The following UNC13C variants were observed in gnomAD, a reference collection of about 807,000 sequenced individuals.
The protein encoded by UNC13C is unc-13 homolog C, also known as protein unc-13 homolog C.
UNC13C carries 174 observed loss-of-function variants against 245.4 expected under a neutral mutation model. The observed-to-expected ratio is 0.71, with a 90% CI of 0.63 to 0.80. The LOEUF (loss-of-function observed/expected upper bound fraction) is 0.80. UNC13C is among the 30% of genes least tolerant of loss of function. The probability of loss-of-function intolerance (pLI) is 0.00; values close to 1 mark genes in which losing one functional copy is unlikely to be tolerated. For missense variants in UNC13C, 2,829 were observed against 2,602.9 expected (o/e 1.09, Z -1.89); for synonymous variants, 992 against 895.1 (o/e 1.11, Z -1.93).
the UNC13C span, among the ~76,000 whole-genome samples, chr15:53,903,520 T>A: frequency 6.6e-6 from 1 of 152,218 alleles, no homozygotes; most frequent in Non-Finnish European, 1.5e-5. Flanking sequence ...CATGTGGAAC[T>A]GGATGGCCAC....
intron 4 of UNC13C, among the ~76,000 whole-genome samples, chr15:54,193,730 A>G (rs938682941): frequency 6.6e-6 from 1 of 152,206 alleles, no homozygotes; most frequent in Non-Finnish European, 1.5e-5. Flanking sequence ...CTAGACTTGT[A>G]CTATAAGGCC....
At chr15:54,294,175 T>C in intron 11 of UNC13C, 111 bp downstream of exon 11, 1 of 958,868 alleles carries the variant, frequency 1.0e-6, no homozygotes, top group Non-Finnish European at 1.4e-6. Flanking sequence ...TTCCAGGACA[T>C]TCTGTTGAAC....
At chr15:54,614,191 C>G (rs1337547979) in intron 30 of UNC13C, among the ~76,000 whole-genome samples, 1 of 151,888 alleles carries the variant, frequency 6.6e-6, no homozygotes, top group Non-Finnish European at 1.5e-5. Context: ...AGCTTTCTTT[C>G]TAGTGTTAAT....
At chr15:54,093,843 G>T (rs12901124) in intron 2 of UNC13C, among the ~76,000 whole-genome samples, 27,958 of 152,098 alleles carry the variant, frequency 0.18, 2,721 homozygotes, top group Admixed American at 0.23. Context: ...TCCTCAAAAT[G>T]GTCTTTTCTC....
chr15:53,888,757 T>G, the UNC13C span, among the ~76,000 whole-genome samples: 2 of 152,190 alleles, frequency 1.3e-5, no homozygotes, highest in Admixed American at 1.3e-4. Context: ...ACGTTTCAGT[T>G]TTCCATGTAT....
chr15:54,561,838 A>C (rs895945856), intron 29 of UNC13C, among the ~76,000 whole-genome samples: 2 of 152,034 alleles, frequency 1.3e-5, no homozygotes, highest in African/African-American at 4.8e-5. Flanking sequence ...TCATAAGATG[A>C]TGAGAGCTAT....
chr15:54,401,873 C>T (rs1483988840), intron 18 of UNC13C, among the ~76,000 whole-genome samples: 3 of 152,048 alleles, frequency 2.0e-5, no homozygotes, highest in Admixed American at 6.6e-5. Flanking sequence ...GGTTCCAGTA[C>T]AATGTGGTAA....
intron 17 of UNC13C, among the ~76,000 whole-genome samples, chr15:54,348,628 T>C (rs74639023): frequency 0.015 from 2,305 of 152,290 alleles, 69 homozygotes; most frequent in African/African-American, 0.053. Flanking sequence ...CTTACCTGAA[T>C]TTAAATGTGG....
At chr15:53,885,948 T>C in the UNC13C span, among the ~76,000 whole-genome samples, 1 of 152,150 alleles carries the variant, frequency 6.6e-6, no homozygotes, top group Non-Finnish European at 1.5e-5. Flanking sequence ...ACCTGTGTAC[T>C]GGAATTGATC....
intron 2 of UNC13C, among the ~76,000 whole-genome samples, chr15:54,023,950 G>T (rs2141007700): frequency 6.6e-6 from 1 of 152,250 alleles, no homozygotes; most frequent in South Asian, 2.1e-4. Context: ...ATTTCTTCAA[G>T]CTCAGAGACA....
intron 18 of UNC13C, among the ~76,000 whole-genome samples, chr15:54,406,315 T>A (rs1192068495): frequency 6.6e-6 from 1 of 152,178 alleles, no homozygotes; most frequent in Non-Finnish European, 1.5e-5. Context: ...ATAAGGATGC[T>A]TCTTTCTTTC....
At chr15:54,300,141 A>G in intron 12 of UNC13C, 69 bp from the exon 13 acceptor site, 1 of 1,445,360 alleles carries the variant, frequency 6.9e-7, no homozygotes, top group Non-Finnish European at 9.4e-7. Flanking sequence ...ATTTTACTGG[A>G]AGTTTTAGTT....
At chr15:54,465,114 G>A (rs1305434106) in intron 19 of UNC13C, among the ~76,000 whole-genome samples, 3 of 151,874 alleles carry the variant, frequency 2.0e-5, no homozygotes, top group African/African-American at 7.3e-5. Flanking sequence ...ATGCTTGTGA[G>A]GTACCACAGC....
At chr15:54,259,782 G>A (rs184977108) in intron 8 of UNC13C, among the ~76,000 whole-genome samples, 2 of 152,158 alleles carry the variant, frequency 1.3e-5, no homozygotes, top group Non-Finnish European at 2.9e-5. Context: ...TGGCATGTAG[G>A]TTAACCAAAT....
At chr15:54,272,704 G>A (rs866144473) in intron 10 of UNC13C, among the ~76,000 whole-genome samples, 19 of 151,802 alleles carry the variant, frequency 1.3e-4, no homozygotes, top group Middle Eastern at 3.4e-3. Context: ...TCTACTGTTC[G>A]CTTGCTAAAT....
In UNC13C at chr15:54,541,224, T is replaced by C. The variant is rs545059227; in HGVS notation, c.5697-5498T>C. Reference sequence around the variant, plus strand: ...CATAAAAATGTGTCTTGAAAATCTCTGTATATGCCTCTCACATGTCACATG... The same window carrying C: ...CATAAAAATGTGTCTTGAAAATCTCCGTATATGCCTCTCACATGTCACATG... On this transcript the variant is annotated intron_variant, in intron 26 of 32. Coordinates refer to ENST00000260323, the MANE Select transcript of UNC13C (RefSeq NM_001080534.3). Among the ~76,000 whole-genome samples, 21 of 152,210 alleles carry C rather than the reference T, an allele frequency of 1.4e-4. No homozygotes were observed. The East Asian group carries it at 3.3e-3, about 24-fold the overall frequency.
At chr15:54,484,672 A>G (rs1315085371) in intron 19 of UNC13C, among the ~76,000 whole-genome samples, 1 of 152,190 alleles carries the variant, frequency 6.6e-6, no homozygotes, top group Non-Finnish European at 1.5e-5. Context: ...TTAGTAAATA[A>G]TAAGGAGATG....
chr15:54,468,215 C>T lies in UNC13C; in HGVS notation c.4934-26393C>T, dbSNP rs190589895. ...TAATTTGCATTTATCTGACATTGAG[C>T]ATTTTTCATGTATCTGTTGGCCATT... On this transcript the variant is annotated intron_variant, in intron 19 of 32. Transcript: ENST00000260323. 9.2e-5 allele frequency among the ~76,000 whole-genome samples: 14 copies of T among 151,710 alleles called. No individual in the cohort carries two copies. In the East Asian group the frequency reaches 2.1e-3, roughly 23 times the overall value.
chr15:54,510,201 T>A (rs1894672368), intron 23 of UNC13C, among the ~76,000 whole-genome samples: 1 of 152,202 alleles, frequency 6.6e-6, no homozygotes, highest in South Asian at 2.1e-4. Context: ...GTAGTCTTCC[T>A]GTTTCTCATT....
Sources: gnomAD v4.1 joint callset for allele counts (sites outside exome capture counted in the v4.1 genomes callset) on GRCh38, gnomAD v4.1.1 for gene constraint, MANE v1.5 for transcripts, NCBI Gene and HGNC (gene_info 2026-07-23, HGNC 2026-07-21) for gene names.